Variants in SPSB4 observed in about 807,000 individuals in gnomAD.
The protein encoded by SPSB4 is splA/ryanodine receptor domain and SOCS box containing 4.
In SPSB4, 21 loss-of-function variants were observed where a neutral mutation model predicts 20.9. The ratio of observed to expected loss-of-function variants is 1.01; its 90% confidence interval spans 0.71 to 1.45. The LOEUF (loss-of-function observed/expected upper bound fraction) is 1.45, where lower values mean the gene tolerates loss of function less well. Ranked by LOEUF, SPSB4 falls within the 40% of genes most tolerant of loss-of-function variation. The pLI, the probability that SPSB4 is intolerant of heterozygous loss-of-function variation, is 0.00. For missense variants in SPSB4, 399 were observed against 399.2 expected, an observed-to-expected ratio of 1.00 and a Z score of 0.00; for synonymous variants, 207 against 183.8, an observed-to-expected ratio of 1.13 and a Z score of -1.02.
intron 2 of SPSB4, among the ~76,000 whole-genome samples, chr3:141,132,935 A>G (rs1939160997): frequency 6.6e-6 from 1 of 150,824 alleles, no homozygotes; most frequent in Non-Finnish European, 1.5e-5. Context: ...AAAGTGTTCC[A>G]TTTTCACCAC....
At chr3:141,126,143 A>G (rs1939047215) in intron 2 of SPSB4, among the ~76,000 whole-genome samples, 1 of 152,202 alleles carries the variant, frequency 6.6e-6, no homozygotes, top group African/African-American at 2.4e-5. Flanking sequence ...TGCTTAGAGA[A>G]AATCTCATTC....
At chr3:141,136,822 G>A (rs1939236560) in intron 2 of SPSB4, among the ~76,000 whole-genome samples, 1 of 152,148 alleles carries the variant, frequency 6.6e-6, no homozygotes, top group South Asian at 2.1e-4. Flanking sequence ...TGGCGATGTG[G>A]GCTCTTTTTT....
intron 2 of SPSB4, among the ~76,000 whole-genome samples, chr3:141,142,701 T>C (rs1248382130): frequency 1.3e-5 from 2 of 152,068 alleles, no homozygotes; most frequent in African/African-American, 4.8e-5. Flanking sequence ...CATAATTGTT[T>C]TATAAATTTG....
intron 2 of SPSB4, among the ~76,000 whole-genome samples, chr3:141,141,253 G>A (rs1235916849): frequency 6.6e-6 from 1 of 152,236 alleles, no homozygotes; most frequent in African/African-American, 2.4e-5. Flanking sequence ...ACTAGGAAAA[G>A]GAATTCCCTG....
In SPSB4 at chr3:141,147,292, G is replaced by C. The variant is rs1440506323; in HGVS notation, c.*23G>C. ...TGAGCCAAGCCTGATGGGCAGCACA[G>C]ACACAGACACACACCGCAGGGCCCG... On this transcript the variant is annotated 3_prime_UTR_variant, in exon 3 of 3. Transcript: ENST00000310546. The C allele has an allele frequency of 6.2e-7, 1 of 1,613,756 alleles. No individual in the cohort carries two copies. The highest frequency in any genetic ancestry group is 1.1e-5 in the South Asian group (1 of 91,046).
At chr3:141,098,043 C>T (rs1389208195) in intron 2 of SPSB4, among the ~76,000 whole-genome samples, 8 of 152,170 alleles carry the variant, frequency 5.3e-5, no homozygotes, top group Admixed American at 5.2e-4. Flanking sequence ...GTCTGGTTCT[C>T]AAATCCATGC....
chr3:141,114,921 A>G (rs1388450327), intron 2 of SPSB4, among the ~76,000 whole-genome samples: 1 of 152,230 alleles, frequency 6.6e-6, no homozygotes, highest in Non-Finnish European at 1.5e-5. Context: ...GGCGTTGACC[A>G]GTGTCTTGTG....
intron 2 of SPSB4, among the ~76,000 whole-genome samples, chr3:141,098,679 C>G (rs1482277257): frequency 1.3e-5 from 2 of 152,170 alleles, no homozygotes; most frequent in South Asian, 2.1e-4. Context: ...TTTTGATTCT[C>G]TAGGGTATTC....
At chr3:141,133,041 A>G (rs771298013) in intron 2 of SPSB4, among the ~76,000 whole-genome samples, 16 of 152,254 alleles carry the variant, frequency 1.1e-4, no homozygotes, top group Middle Eastern at 6.8e-3. Flanking sequence ...TTTAATTTGC[A>G]TTTCCCTGAT....
At chr3:141,076,700 A>T (rs779744625) in intron 2 of SPSB4, among the ~76,000 whole-genome samples, 1 of 152,136 alleles carries the variant, frequency 6.6e-6, no homozygotes, top group Non-Finnish European at 1.5e-5. Context: ...CTACTCCAGC[A>T]CCCACACCTG....
chr3:141,067,028 G>C (rs192441018), intron 2 of SPSB4, among the ~76,000 whole-genome samples: 1 of 152,278 alleles, frequency 6.6e-6, no homozygotes, highest in African/African-American at 2.4e-5. Context: ...CAGTTGTAAC[G>C]ATCAAATAAA....
intron 2 of SPSB4, among the ~76,000 whole-genome samples, chr3:141,128,633 G>C (rs976944835): frequency 2.6e-5 from 4 of 152,264 alleles, no homozygotes; most frequent in African/African-American, 7.2e-5. Flanking sequence ...GAGGCAGCTG[G>C]GGGGAGCTCA....
intron 2 of SPSB4, among the ~76,000 whole-genome samples, chr3:141,125,811 G>A (rs1238824555): frequency 3.9e-5 from 6 of 152,280 alleles, no homozygotes; most frequent in South Asian, 2.1e-4. Flanking sequence ...CAAAACAGTT[G>A]ACTTTGTGAC....
intron 2 of SPSB4, among the ~76,000 whole-genome samples, chr3:141,131,990 C>CT (rs983947800): frequency 4.6e-5 from 7 of 151,532 alleles, no homozygotes; most frequent in South Asian, 2.1e-4. Context: ...TTTAGTCATT[C>CT]TTTTTTTTTC....
At position 141,147,456 on chromosome 3, in the gene SPSB4, C is replaced by G; in HGVS notation, c.*187C>G. On this transcript the variant is annotated 3_prime_UTR_variant, in exon 3 of 3. Coordinates refer to ENST00000310546, the MANE Select transcript of SPSB4 (RefSeq NM_080862.3). ...ACGAAAGGTCTCTTGCCAACAGTAT[C>G]TACTGCCCTCGAGGCAGCCCTCCCA... The G allele has an allele frequency of 4.2e-6, 4 of 957,332 alleles. No homozygotes were observed. The highest frequency in any genetic ancestry group is 6.0e-6 in the Non-Finnish European group (4 of 666,488). The allele number at this position is 957,332 out of a possible 1,614,324, so 59.3% of individuals were successfully genotyped here.
intron 2 of SPSB4, among the ~76,000 whole-genome samples, chr3:141,119,373 G>A (rs1402187715): frequency 6.6e-6 from 1 of 152,178 alleles, no homozygotes; most frequent in Non-Finnish European, 1.5e-5. Context: ...TTTCTTATCA[G>A]CTTAAGGAGA....
At chr3:141,139,492 T>C (rs1939286942) in intron 2 of SPSB4, among the ~76,000 whole-genome samples, 1 of 152,250 alleles carries the variant, frequency 6.6e-6, no homozygotes, top group Middle Eastern at 3.2e-3. Context: ...CCTTTCCATG[T>C]TTAGTGCTTC....
At chr3:141,107,148 G>A (rs1422444019) in intron 2 of SPSB4, among the ~76,000 whole-genome samples, 2 of 152,202 alleles carry the variant, frequency 1.3e-5, no homozygotes, top group African/African-American at 4.8e-5. Context: ...TTGGGATGGG[G>A]CAAAGCCTCA....
At chr3:141,064,624 G>A (rs191266438) in intron 1 of SPSB4, among the ~76,000 whole-genome samples, 21 of 152,294 alleles carry the variant, frequency 1.4e-4, no homozygotes, top group Admixed American at 3.3e-4. Flanking sequence ...GTGTACCACT[G>A]TCTGGGTGGG....
Sources: allele counts gnomAD v4.1 joint callset (sites outside exome capture counted in the v4.1 genomes callset), GRCh38; gene constraint gnomAD v4.1.1; transcripts MANE v1.5; gene names NCBI Gene and HGNC (gene_info 2026-07-23, HGNC 2026-07-21).